Variants in NTN1 observed in about 807,000 individuals in gnomAD.
NTN1 encodes netrin-1.
Under a neutral mutation model 54.2 loss-of-function variants are expected in NTN1, and 11 were observed. The observed-to-expected ratio is 0.20, with a 90% confidence interval of 0.13 to 0.34. The LOEUF (loss-of-function observed/expected upper bound fraction) is 0.34. Ranked by LOEUF, NTN1 falls within the 10% of genes least tolerant of loss-of-function variation. NTN1 has a pLI of 1.00. For missense variants in NTN1, 740 were observed against 893.1 expected, an observed-to-expected ratio of 0.83 and a Z score of 2.18; for synonymous variants, 371 against 382.0, an observed-to-expected ratio of 0.97 and a Z score of 0.33.
intron 5 of NTN1, among the ~76,000 whole-genome samples, chr17:9,195,675 G>A (rs1287574822): frequency 6.6e-6 from 1 of 152,104 alleles, no homozygotes; most frequent in Non-Finnish European, 1.5e-5. Context: ...GGTGGGAGGG[G>A]ACTTGTAGCA....
At chr17:9,197,144 C>A (rs1267670226) in intron 5 of NTN1, among the ~76,000 whole-genome samples, 1 of 151,990 alleles carries the variant, frequency 6.6e-6, no homozygotes, top group African/African-American at 2.4e-5. Flanking sequence ...CCAGAAGGAA[C>A]CTAGAGATAG....
intron 2 of NTN1, among the ~76,000 whole-genome samples, chr17:9,081,350 TCTCTGTGCCA>T (rs762563433): frequency 4.8e-4 from 73 of 152,172 alleles, no homozygotes; most frequent in Non-Finnish European, 7.5e-4. Context: ...TCTGTGGTTA[TCTCTGTGCCA>T]ATGAAGATCA....
chr17:9,149,686 T>C (rs538637119), intron 2 of NTN1, among the ~76,000 whole-genome samples: 7 of 152,272 alleles, frequency 4.6e-5, no homozygotes, highest in Admixed American at 2.6e-4. Context: ...CTTAGAACAA[T>C]GTCCCCCTTC....
In NTN1 at chr17:9,140,360, C is replaced by T. The variant is rs2092294242; in HGVS notation, c.1019-22453C>T. Among the ~76,000 whole-genome samples, 3 of 152,292 alleles carry T rather than the reference C, an allele frequency of 2.0e-5. 1 individual carries two copies. The South Asian group carries it at 6.2e-4, about 32-fold the overall frequency. On this transcript the variant is annotated intron_variant, in intron 2 of 6. Transcript: ENST00000173229. ...TGCTGTGGCAGAACGGGTGCTTTGC[C>T]TCTGAAAACAACAGAAGGAAAGCAC... is the stretch of plus-strand genomic sequence containing the variant.
At chr17:9,106,983 T>C (rs964537074) in intron 2 of NTN1, among the ~76,000 whole-genome samples, 3 of 152,164 alleles carry the variant, frequency 2.0e-5, no homozygotes, top group African/African-American at 4.8e-5. Flanking sequence ...CATTTAAAGC[T>C]GAGGAAGCTG....
intron 6 of NTN1, among the ~76,000 whole-genome samples, chr17:9,230,454 C>CAT (rs141348193): frequency 3.6e-4 from 3 of 8,270 alleles, no homozygotes; most frequent in Non-Finnish European, 6.0e-4. Context: ...TGTGACCCCC[C>CAT]CCCCGAGTGC....
chr17:9,066,828 C>T (rs186870155), intron 2 of NTN1, among the ~76,000 whole-genome samples: 222 of 151,712 alleles, frequency 1.5e-3, no homozygotes, highest in African/African-American at 5.0e-3. Flanking sequence ...GGTGAAACCC[C>T]GTCTCAACTA....
chr17:9,076,278 C>T (rs1377449796), intron 2 of NTN1, among the ~76,000 whole-genome samples: 2 of 152,234 alleles, frequency 1.3e-5, no homozygotes, highest in Non-Finnish European at 2.9e-5. Flanking sequence ...CACCAGCCTG[C>T]ACACTGACCA....
chr17:9,182,840 A>G (rs182693602), intron 4 of NTN1, 76 bp from the exon 5 acceptor site: 13 of 1,477,518 alleles, frequency 8.8e-6, no homozygotes, highest in Middle Eastern at 1.7e-4. Context: ...TGCTGGGCTC[A>G]TTCTAAAGTC....
chr17:9,069,330 T>A (rs529824848), intron 2 of NTN1, among the ~76,000 whole-genome samples: 1 of 152,282 alleles, frequency 6.6e-6, no homozygotes, highest in African/African-American at 2.4e-5. Context: ...GAAATTAAGT[T>A]CTAGGGACAT....
chr17:9,054,063 T>A (rs2091969760), intron 2 of NTN1, among the ~76,000 whole-genome samples: 1 of 152,190 alleles, frequency 6.6e-6, no homozygotes, highest in Non-Finnish European at 1.5e-5. Flanking sequence ...TGATTTTTTT[T>A]AGATACTGTG....
intron 2 of NTN1, among the ~76,000 whole-genome samples, chr17:9,035,620 C>T (rs934632610): frequency 1.4e-4 from 21 of 152,184 alleles, no homozygotes; most frequent in African/African-American, 5.1e-4. Context: ...CTCTGTCACC[C>T]AGCCTCCTGT....
At chr17:9,029,479 T>C (rs2091882119) in intron 2 of NTN1, among the ~76,000 whole-genome samples, 1 of 152,174 alleles carries the variant, frequency 6.6e-6, no homozygotes, top group African/African-American at 2.4e-5. Context: ...TGTCCTATTA[T>C]AGCCAACTCG....
chr17:9,062,467 C>T (rs1409287605), intron 2 of NTN1, among the ~76,000 whole-genome samples: 1 of 152,144 alleles, frequency 6.6e-6, no homozygotes, highest in African/African-American at 2.4e-5. Flanking sequence ...TTGAGACCTC[C>T]CATCCAGTAT....
At position 9,182,982 on chromosome 17, in the gene NTN1, C is replaced by T; in HGVS notation, c.1411+13C>T. 1 of 1,613,496 alleles carries T rather than the reference C, an allele frequency of 6.2e-7. No homozygotes were observed. The highest frequency in any genetic ancestry group is 8.5e-7 in the Non-Finnish European group (1 of 1,179,636). On this transcript the variant is annotated intron_variant, in intron 5 of 6. Transcript: ENST00000173229. ...GAGGAGCCTGAAGGTAAACGGCCCC[C>T]TTCGCTTCTCATTTCCCGCTTTTGC...
intron 2 of NTN1, among the ~76,000 whole-genome samples, chr17:9,055,312 T>A (rs887508668): frequency 6.6e-6 from 1 of 152,232 alleles, no homozygotes; most frequent in Non-Finnish European, 1.5e-5. Flanking sequence ...TGCTAACCGC[T>A]GCCTGCACCA....
intron 5 of NTN1, 38 bp downstream of exon 5, chr17:9,183,007 C>A: frequency 7.6e-7 from 1 of 1,320,524 alleles, no homozygotes; most frequent in Non-Finnish European, 1.1e-6. Flanking sequence ...CCCGCTTTTG[C>A]TGGGTGGTGG....
chr17:9,136,720 GA>G (rs953142140), intron 2 of NTN1, among the ~76,000 whole-genome samples: 22 of 152,174 alleles, frequency 1.4e-4, no homozygotes, highest in Non-Finnish European at 1.5e-5. Context: ...TTTTTTTGAA[GA>G]AATTGGTCTT....
At chr17:9,055,675 G>T (rs567846282) in intron 2 of NTN1, among the ~76,000 whole-genome samples, 40 of 152,132 alleles carry the variant, frequency 2.6e-4, no homozygotes, top group African/African-American at 9.7e-4. Flanking sequence ...AGGAAGGCAG[G>T]ATGGATACCA....
Sources: gnomAD v4.1 joint callset for allele counts (sites outside exome capture counted in the v4.1 genomes callset) on GRCh38, gnomAD v4.1.1 for gene constraint, MANE v1.5 for transcripts, NCBI Gene and HGNC (gene_info 2026-07-23, HGNC 2026-07-21) for gene names.